The following KCNH2 variants were observed in gnomAD, a reference collection of about 807,000 sequenced individuals.
The protein encoded by KCNH2 is potassium voltage-gated channel subfamily H member 2.
In KCNH2, 35 loss-of-function variants were observed where a neutral mutation model predicts 95.9. The observed-to-expected ratio is 0.37, with a 90% CI of 0.28 to 0.48. The LOEUF (loss-of-function observed/expected upper bound fraction) is 0.48, where lower values mean the gene tolerates loss of function less well. Among genes scored for constraint, KCNH2 ranks in the 20% least tolerant of loss-of-function variants. KCNH2 has a pLI of 0.99. For missense variants in KCNH2, 1,274 were observed against 1,702.9 expected (o/e 0.75, Z 4.43); for synonymous variants, 786 against 754.7 (o/e 1.04, Z -0.68).
intron 10 of KCNH2, 34 bp downstream of exon 10, chr7:150,948,822 G>A (rs768730376): frequency 1.5e-5 from 24 of 1,593,978 alleles, no homozygotes; most frequent in Non-Finnish European, 2.1e-5. Flanking sequence ...CTGGAAGCAG[G>A]AGGATGGGGT....
intron 9 of KCNH2, chr7:150,949,406 GCAT>G: frequency 1.0e-4 from 54 of 523,342 alleles, no homozygotes; most frequent in Non-Finnish European, 1.3e-4. Context: ...ATCAAAACCA[GCAT>G]TTTTTTTTTT....
At chr7:150,947,544 G>C (rs372567534) in intron 12 of KCNH2, 30 bp from the exon 13 acceptor site, 3 of 1,601,326 alleles carry the variant, frequency 1.9e-6, no homozygotes, top group South Asian at 2.2e-5. Context: ...CTGGGTGAGC[G>C]GGGTAGACGC....
intron 2 of KCNH2, among the ~76,000 whole-genome samples, chr7:150,963,024 C>G (rs1052382355): frequency 1.3e-5 from 2 of 152,334 alleles, no homozygotes; most frequent in Admixed American, 6.5e-5. Flanking sequence ...CTACTCCAGA[C>G]CCCCAGGCCC....
At position 150,946,031 on chromosome 7, in the gene KCNH2, C is replaced by T. The variant is rs918755365; in HGVS notation, c.3331-517G>A. ...TGAGCGTCTGCTGGTGAGAGCTCTG[C>T]GGGGGCGGCTGCGAAGGGAGACTGG... On this transcript the variant is annotated intron_variant, in intron 14 of 14. Coordinates refer to ENST00000262186, the MANE Select transcript of KCNH2 (RefSeq NM_000238.4). The surrounding 1 kb of genome is among the most constrained non-coding windows in gnomAD (Gnocchi z 6.5). 3.3e-5 allele frequency among the ~76,000 whole-genome samples: 5 copies of T among 151,998 alleles called. No individual in the cohort carries two copies. The highest frequency in any genetic ancestry group is 2.1e-4 in the South Asian group (1 of 4,814).
rs572793985 is a variant in KCNH2, at chr7:150,975,707, G to C, written c.77-766C>G. 6.6e-5 allele frequency among the ~76,000 whole-genome samples: 10 copies of C among 152,360 alleles called. No individual in the cohort carries two copies. In the East Asian group the frequency reaches 1.9e-3, roughly 29 times the overall value. ...GCACCATGCCCAAGTCTTGCAGCTT[G>C]TAAATGATAGAGCCAGCTTTTGAAC... On this transcript the variant is annotated intron_variant, in intron 1 of 14. Coordinates refer to ENST00000262186, the MANE Select transcript of KCNH2 (RefSeq NM_000238.4).
chr7:150,950,246 C>A lies in KCNH2; in HGVS notation c.2320G>T (p.Asp774Tyr), dbSNP rs199472995. ...PPGDTLVHAG[D>Y]LLTALYFISR... is the part of the protein sequence containing the mutation. ...ATGAAGTACAGGGCGGTGAGCAGGT[C>A]CCCAGCATGCACCAGTGTGTCCCCT... Residue 774 changes from aspartate (D) to tyrosine (Y), a missense_variant, in exon 9 of 15, where the codon GAC becomes TAC. Around this residue, in one of 7 missense-constraint regions of KCNH2, gnomAD observed 159 missense variants for 282.5 expected, o/e 0.56. Coordinates refer to ENST00000262186, the MANE Select transcript of KCNH2 (RefSeq NM_000238.4). The A allele has an allele frequency of 1.2e-6, 2 of 1,612,944 alleles. No individual in the cohort carries two copies. Among genetic ancestry groups the A allele is most frequent in the Non-Finnish European group, 1.7e-6 (2 of 1,179,460 alleles).
At chr7:150,969,548 C>T (rs1004532714) in intron 2 of KCNH2, among the ~76,000 whole-genome samples, 1 of 152,214 alleles carries the variant, frequency 6.6e-6, no homozygotes, top group Non-Finnish European at 1.5e-5. Flanking sequence ...CACAGCAAGT[C>T]TGTAACCAAG....
Position 150,952,967 on chromosome 7 carries a change from T to A in KCNH2, c.1129-114A>T. 3.0e-6 allele frequency: 3 copies of A among 1,012,940 alleles called. No homozygotes were observed. The East Asian group carries it at 7.7e-5, about 26-fold the overall frequency. 62.7% of individuals were successfully genotyped at this position (1,012,940 alleles called of 1,614,324 possible). A position where few individuals can be genotyped will look rare whatever the true frequency, so the allele number is the denominator to read the frequency against. On this transcript the variant is annotated intron_variant, in intron 5 of 14. Coordinates refer to ENST00000262186, the MANE Select transcript of KCNH2 (RefSeq NM_000238.4). The surrounding 1 kb of genome is among the most constrained non-coding windows in gnomAD (Gnocchi z 7.3). ...AATGAGGAGGAGGCCAAAAAAAGCT[T>A]CCATCAGAATGCCCACCCCTCAGCC...
chr7:150,954,039 A>G (rs927270445), intron 5 of KCNH2, among the ~76,000 whole-genome samples: 4 of 152,256 alleles, frequency 2.6e-5, no homozygotes, highest in African/African-American at 7.2e-5. Flanking sequence ...GGAAATAACT[A>G]GAAGTCAAGA....
Position 150,946,781 on chromosome 7 carries a change from C to G in KCNH2, c.3330+96G>C. 8.3e-7 allele frequency: 1 copy of G among 1,204,792 alleles called. No homozygotes were observed. Among genetic ancestry groups the G allele is most frequent in the Non-Finnish European group, 1.2e-6 (1 of 847,820 alleles). 74.6% of individuals were successfully genotyped at this position (1,204,792 alleles called of 1,614,324 possible). ...AGGAACAAGGTTCAGGGAGGCTGGG[C>G]CACAGAGCCCAGCAGAAAGGCAGCA... On this transcript the variant is annotated intron_variant, in intron 14 of 14. Coordinates refer to ENST00000262186, the MANE Select transcript of KCNH2 (RefSeq NM_000238.4). This position sits in a 1 kb window ranked among gnomAD's most constrained non-coding sequence, Gnocchi z 6.5.
In KCNH2 at chr7:150,959,705, C is replaced by T. The variant is rs769738950; in HGVS notation, c.339G>A (p.Val113=). 8.1e-6 allele frequency: 13 copies of T among 1,614,190 alleles called. No individual in the cohort carries two copies. Among genetic ancestry groups the T allele is most frequent in the Non-Finnish European group, 1.0e-5 (12 of 1,180,032 alleles). ...GSCFLCLVDV[V]PVKNEDGAVI... ...CAGCCCCATCCTCGTTCTTCACGGG[C>T]ACCACATCCACCAGACATAGGAAGC... The change falls in exon 3 of 15, where the codon GTG becomes GTA. Residue 113 remains valine (V), a synonymous_variant. Coordinates refer to ENST00000262186, the MANE Select transcript of KCNH2 (RefSeq NM_000238.4).
intron 2 of KCNH2, among the ~76,000 whole-genome samples, chr7:150,960,057 C>T (rs1411986648): frequency 2.0e-5 from 3 of 152,294 alleles, no homozygotes; most frequent in Middle Eastern, 3.4e-3. Flanking sequence ...TCTTTGATCT[C>T]ATTTCCTCCC....
Position 150,959,747 on chromosome 7 carries a change from G to A in KCNH2, c.308-11C>T. 6.2e-7 allele frequency: 1 copy of A among 1,614,104 alleles called. No homozygotes were observed. Among genetic ancestry groups the A allele is most frequent in the Non-Finnish European group, 8.5e-7 (1 of 1,180,012 alleles). ...ATAGGAAGCAGCTCCCTGCAGAGTG[G>A]GAGGACATAGCCCCCTTGGCACCCA... On this transcript the variant is annotated splice_polypyrimidine_tract_variant and intron_variant, in intron 2 of 14. Coordinates refer to ENST00000262186, the MANE Select transcript of KCNH2 (RefSeq NM_000238.4).
rs1452860899 is a variant in KCNH2, at chr7:150,952,996, C to T, written c.1129-143G>A. ...TCAGAATGCCCACCCCTCAGCCAAG[C>T]GACCACAGCAAATGGCCACCCCCAG... On this transcript the variant is annotated intron_variant, in intron 5 of 14. Coordinates refer to ENST00000262186, the MANE Select transcript of KCNH2 (RefSeq NM_000238.4). The surrounding 1 kb of genome is among the most constrained non-coding windows in gnomAD (Gnocchi z 7.3). The T allele has an allele frequency of 1.5e-5, 12 of 788,566 alleles. No individual in the cohort carries two copies. The highest frequency in any genetic ancestry group is 2.4e-5 in the Admixed American group (1 of 40,924). 48.8% of individuals were successfully genotyped at this position (788,566 alleles called of 1,614,324 possible).
rs200182770 is a variant in KCNH2, at chr7:150,946,991, C to T, written c.3216G>A (p.Thr1072=). The T allele has an allele frequency of 3.8e-5, 61 of 1,610,690 alleles. No homozygotes were observed. In the East Asian group the frequency reaches 1.1e-3, roughly 28 times the overall value. Residue 1072 remains threonine (T), a synonymous_variant, in exon 14 of 15, where the codon ACG becomes ACA. Transcript: ENST00000262186. This position sits in a 1 kb window ranked among gnomAD's most constrained non-coding sequence, Gnocchi z 6.5. ...TVLQLLQRQM[T]LVPPAYSAVT... Reference sequence around the variant, plus strand: ...CAGCACTGTAGGCGGGCGGGACCAGCGTCATCTGCCTCTGTAGCAGCTGCA... The same window carrying T: ...CAGCACTGTAGGCGGGCGGGACCAGTGTCATCTGCCTCTGTAGCAGCTGCA...
At chr7:150,948,593 C>T in intron 10 of KCNH2, 50 bp from the exon 11 acceptor site, 3 of 1,516,648 alleles carry the variant, frequency 2.0e-6, no homozygotes, top group Non-Finnish European at 2.7e-6. Flanking sequence ...CCTGCCCCAC[C>T]GGGGTCAGGC....
At position 150,946,846 on chromosome 7, in the gene KCNH2, G is replaced by T; in HGVS notation, c.3330+31C>A. 6.3e-7 allele frequency: 1 copy of T among 1,583,486 alleles called. No homozygotes were observed. Among genetic ancestry groups the T allele is most frequent in the Non-Finnish European group, 8.6e-7 (1 of 1,159,548 alleles). On this transcript the variant is annotated intron_variant, in intron 14 of 14. Coordinates refer to ENST00000262186, the MANE Select transcript of KCNH2 (RefSeq NM_000238.4). This position sits in a 1 kb window ranked among gnomAD's most constrained non-coding sequence, Gnocchi z 6.5. ...TGGAATCGGGGAACAAGCGGGTCACGGTACATCGAGGAAGCAGGGCTGGAG... is the reference window on the plus strand; with the variant it reads ...TGGAATCGGGGAACAAGCGGGTCACTGTACATCGAGGAAGCAGGGCTGGAG...
At chr7:150,965,076 G>C (rs1028407483) in intron 2 of KCNH2, among the ~76,000 whole-genome samples, 59 of 152,076 alleles carry the variant, frequency 3.9e-4, no homozygotes, top group Admixed American at 3.8e-3. Context: ...GCGCGTGTGT[G>C]TGTGTGTGCT....
intron 2 of KCNH2, 75 bp from the exon 3 acceptor site, chr7:150,959,811 T>C: frequency 1.3e-6 from 2 of 1,570,664 alleles, no homozygotes; most frequent in Non-Finnish European, 1.7e-6. Context: ...GGATGGACCC[T>C]GGAACCCAAG....
Sources: allele counts gnomAD v4.1 joint callset (sites outside exome capture counted in the v4.1 genomes callset), GRCh38; gene constraint gnomAD v4.1.1; regional missense constraint gnomAD v4.1.1; non-coding constraint Gnocchi (gnomAD v3.1); transcripts MANE v1.5; gene names NCBI Gene and HGNC (gene_info 2026-07-23, HGNC 2026-07-21).